NPSR1: variants seen among roughly 807,000 people sequenced by gnomAD.
NPSR1 encodes neuropeptide S receptor.
Under a neutral mutation model 46.9 loss-of-function variants are expected in NPSR1, and 48 were observed. The observed-to-expected ratio is 1.02, with a 90% CI of 0.81 to 1.30. The LOEUF (loss-of-function observed/expected upper bound fraction) is 1.30. NPSR1 is among the 50% of genes most tolerant of loss of function. The pLI is 0.00. For missense variants in NPSR1, 450 were observed against 449.5 expected (o/e 1.00, Z -0.01); for synonymous variants, 176 against 168.1 (o/e 1.05, Z -0.36).
chr7:34,700,231 G>A (rs1011423016), intron 2 of NPSR1, among the ~76,000 whole-genome samples: 1 of 152,088 alleles, frequency 6.6e-6, no homozygotes, highest in African/African-American at 2.4e-5. Flanking sequence ...CTGGAAGGAA[G>A]GAAGGAAGGA....
At chr7:34,747,925 C>T (rs891976859) in intron 2 of NPSR1, among the ~76,000 whole-genome samples, 4 of 152,188 alleles carry the variant, frequency 2.6e-5, no homozygotes, top group Non-Finnish European at 2.9e-5. Flanking sequence ...GACACTGCTG[C>T]CTCTCTGCCT....
intron 4 of NPSR1, among the ~76,000 whole-genome samples, chr7:34,815,828 T>G (rs1789219497): frequency 6.6e-6 from 1 of 152,174 alleles, no homozygotes; most frequent in Non-Finnish European, 1.5e-5. Flanking sequence ...GTTTCATAAG[T>G]GAAGGAGAAA....
At chr7:34,679,641 A>G (rs1295224126) in intron 1 of NPSR1, among the ~76,000 whole-genome samples, 1 of 152,164 alleles carries the variant, frequency 6.6e-6, no homozygotes, top group Non-Finnish European at 1.5e-5. Context: ...CGTTTCACTT[A>G]AAGTCACAGT....
intron 1 of NPSR1, among the ~76,000 whole-genome samples, chr7:34,676,612 T>C (rs1792327921): frequency 6.6e-6 from 1 of 152,192 alleles, no homozygotes; most frequent in African/African-American, 2.4e-5. Flanking sequence ...TAATGACCCT[T>C]GTACTAGTCA....
At chr7:34,785,677 A>G (rs1365194009) in intron 3 of NPSR1, among the ~76,000 whole-genome samples, 1 of 152,106 alleles carries the variant, frequency 6.6e-6, no homozygotes, top group Non-Finnish European at 1.5e-5. Context: ...TAAAAATAAT[A>G]ATAGCTACAA....
intron 2 of NPSR1, among the ~76,000 whole-genome samples, chr7:34,737,762 A>G (rs1450596834): frequency 1.3e-5 from 2 of 152,246 alleles, no homozygotes; most frequent in African/African-American, 4.8e-5. Context: ...TTCTCATATT[A>G]ATAGAGTCCC....
intron 1 of NPSR1, 100 bp from the exon 2 acceptor site, chr7:34,684,441 AAAAGTAGGGAT>A: frequency 9.8e-7 from 1 of 1,023,196 alleles, no homozygotes; most frequent in Admixed American, 2.4e-5. Context: ...TAGAGCTTCC[AAAAGTAGGGAT>A]ATGTGGCTAG....
chr7:34,677,704 G>A (rs973882385), intron 1 of NPSR1, among the ~76,000 whole-genome samples: 1 of 152,168 alleles, frequency 6.6e-6, no homozygotes, highest in Non-Finnish European at 1.5e-5. Flanking sequence ...CCTTCCTGGG[G>A]AGGTCAGTAG....
At chr7:34,798,547 G>A (rs540059914) in intron 3 of NPSR1, among the ~76,000 whole-genome samples, 11 of 152,082 alleles carry the variant, frequency 7.2e-5, no homozygotes, top group East Asian at 1.9e-4. Context: ...AAAAAGGGGC[G>A]GGGGGTTGAA....
intron 7 of NPSR1, 76 bp from the exon 8 acceptor site, chr7:34,848,407 A>T (rs1177585016): frequency 7.8e-7 from 1 of 1,277,870 alleles, no homozygotes; most frequent in South Asian, 1.4e-5. Context: ...CTCAGGTAAA[A>T]GTCCAGTCAG....
chr7:34,815,288 T>A (rs1395497978), intron 4 of NPSR1, among the ~76,000 whole-genome samples: 2 of 152,096 alleles, frequency 1.3e-5, no homozygotes, highest in African/African-American at 2.4e-5. Context: ...CAAGCTTCAA[T>A]AGCCAATTCA....
At chr7:34,710,855 A>C in intron 2 of NPSR1, 3 of 485,236 alleles carry the variant, frequency 6.2e-6, no homozygotes, top group South Asian at 5.1e-5. Context: ...AGCACCTGAG[A>C]AACAAGTTTG....
chr7:34,738,991 A>C (rs1325824215), intron 2 of NPSR1, among the ~76,000 whole-genome samples: 3 of 152,212 alleles, frequency 2.0e-5, no homozygotes, highest in Non-Finnish European at 4.4e-5. Flanking sequence ...TCATGGTAGA[A>C]TATGTGGCTT....
At position 34,744,448 on chromosome 7, in the gene NPSR1, G is replaced by A. The variant is rs1410373291; in HGVS notation, c.281-34014G>A. On this transcript the variant is annotated intron_variant, in intron 2 of 8. Transcript: ENST00000360581. ...GTGGGCCTCAGGATAAAAGGGGCAG[G>A]AAGAGCAGAGGAAATGGGAAGGACC... 3.9e-5 allele frequency among the ~76,000 whole-genome samples: 6 copies of A among 152,300 alleles called. No homozygotes were observed. In the East Asian group the frequency reaches 1.2e-3, roughly 29 times the overall value.
intron 6 of NPSR1, among the ~76,000 whole-genome samples, chr7:34,836,986 G>A (rs1213849489): frequency 2.0e-5 from 3 of 152,012 alleles, no homozygotes; most frequent in Non-Finnish European, 4.4e-5. Flanking sequence ...CCCTTTTATA[G>A]ATATGTGCAC....
intron 2 of NPSR1, among the ~76,000 whole-genome samples, chr7:34,770,379 T>G (rs758631798): frequency 7.9e-5 from 12 of 152,188 alleles, no homozygotes; most frequent in Non-Finnish European, 1.5e-4. Context: ...AGTCATAGGA[T>G]TTTTCCTCTC....
Position 34,658,260 on chromosome 7 carries a change from A to G in NPSR1, c.-153A>G. ...GAGCAGCACGTAGATCCTCCCTGTC[A>G]TCAGGCAGAGCTCTTCAGTGAGGTG... is the stretch of plus-strand genomic sequence containing the variant. On this transcript the variant is annotated 5_prime_UTR_variant, in exon 1 of 9. Transcript: ENST00000360581. The G allele has an allele frequency of 1.3e-6, 1 of 741,324 alleles. No homozygotes were observed. Among genetic ancestry groups the G allele is most frequent in the Non-Finnish European group, 2.2e-6 (1 of 457,648 alleles). 45.9% of individuals were successfully genotyped at this position (741,324 alleles called of 1,614,324 possible). A position where few individuals can be genotyped will look rare whatever the true frequency, so the allele number is the denominator to read the frequency against.
chr7:34,718,302 G>T (rs1039126765), intron 2 of NPSR1, among the ~76,000 whole-genome samples: 1 of 152,152 alleles, frequency 6.6e-6, no homozygotes, highest in African/African-American at 2.4e-5. Flanking sequence ...TTCGATGCTT[G>T]TTTCCATTCA....
At chr7:34,680,940 G>T (rs901755493) in intron 1 of NPSR1, among the ~76,000 whole-genome samples, 8 of 144,492 alleles carry the variant, frequency 5.5e-5, no homozygotes, top group African/African-American at 2.0e-4. Flanking sequence ...GTTGATAAAG[G>T]TTTTTTTTTT....
Sources: gnomAD v4.1 joint callset for allele counts (sites outside exome capture counted in the v4.1 genomes callset) on GRCh38, gnomAD v4.1.1 for gene constraint, MANE v1.5 for transcripts, NCBI Gene and HGNC (gene_info 2026-07-23, HGNC 2026-07-21) for gene names.